Variants in LRRC37A2 observed in about 807,000 individuals in gnomAD.
LRRC37A2 encodes the protein leucine rich repeat containing 37 member A2, also known as leucine-rich repeat-containing protein 37A2.
In LRRC37A2, 9 loss-of-function variants were observed where a neutral mutation model predicts 68.8. That is an observed-to-expected ratio of 0.13 (90% CI 0.08 to 0.23). The LOEUF (loss-of-function observed/expected upper bound fraction) is 0.23. LRRC37A2 is among the 10% of genes least tolerant of loss of function. The probability of loss-of-function intolerance (pLI) is 1.00; values close to 1 mark genes in which losing one functional copy is unlikely to be tolerated. For missense variants in LRRC37A2, 168 were observed against 950.4 expected (o/e 0.18, Z 10.82); for synonymous variants, 63 against 367.6 (o/e 0.17, Z 9.48).
chr17:46,804,915 G>A, the LRRC37A2 span, among the ~76,000 whole-genome samples: 1 of 65,600 alleles, frequency 1.5e-5, no homozygotes, highest in Admixed American at 1.4e-4. Flanking sequence ...CTGCCTCCCC[G>A]CCCACCCCCC....
the LRRC37A2 span, chr17:46,773,726 G>A: frequency 6.2e-7 from 1 of 1,610,030 alleles, no homozygotes; most frequent in Non-Finnish European, 8.5e-7. Context: ...TGCAGTTCCA[G>A]CGGCGGCCCC....
At chr17:46,586,380 TCA>T in the LRRC37A2 span, among the ~76,000 whole-genome samples, 202 of 17,390 alleles carry the variant, frequency 0.012, 55 homozygotes, top group South Asian at 0.089. Flanking sequence ...TCTCTCTCTG[TCA>T]CACACACACA....
the LRRC37A2 span, among the ~76,000 whole-genome samples, chr17:47,044,530 C>T: frequency 6.6e-6 from 1 of 150,788 alleles, no homozygotes; most frequent in South Asian, 2.1e-4. Flanking sequence ...CTGCAACTGA[C>T]TCTCAAATGG....
chr17:46,752,660 T>C, the LRRC37A2 span, among the ~76,000 whole-genome samples: 2 of 152,218 alleles, frequency 1.3e-5, no homozygotes, highest in African/African-American at 4.8e-5. Context: ...TTCACTATGT[T>C]GCCCAGGCTG....
chr17:46,896,400 AAG>A, the LRRC37A2 span, among the ~76,000 whole-genome samples: 14 of 67,186 alleles, frequency 2.1e-4, no homozygotes, highest in South Asian at 5.6e-4. Flanking sequence ...AAGAGAAAGA[AAG>A]AAAGAAAGAA....
the LRRC37A2 span, among the ~76,000 whole-genome samples, chr17:46,605,475 A>G: frequency 6.6e-6 from 1 of 150,458 alleles, no homozygotes; most frequent in African/African-American, 2.4e-5. Flanking sequence ...CTGTCAGAGA[A>G]AAAAGATATT....
the LRRC37A2 span, among the ~76,000 whole-genome samples, chr17:46,907,166 C>T: frequency 1.5e-4 from 23 of 152,236 alleles, no homozygotes; most frequent in African/African-American, 4.1e-4. Context: ...AGTAGCCTGC[C>T]GAGGTCAACA....
At chr17:46,942,916 A>T in the LRRC37A2 span, among the ~76,000 whole-genome samples, 1 of 152,116 alleles carries the variant, frequency 6.6e-6, no homozygotes, top group Non-Finnish European at 1.5e-5. Flanking sequence ...AGCCTCTGTG[A>T]GCCATCCCTC....
At chr17:46,971,916 TAGAG>T in the LRRC37A2 span, among the ~76,000 whole-genome samples, 2 of 152,130 alleles carry the variant, frequency 1.3e-5, no homozygotes, top group African/African-American at 2.4e-5. Context: ...CTTTAGGAAG[TAGAG>T]AGAAAGGCAG....
At chr17:46,880,037 C>A in the LRRC37A2 span, among the ~76,000 whole-genome samples, 1 of 152,198 alleles carries the variant, frequency 6.6e-6, no homozygotes, top group Non-Finnish European at 1.5e-5. Flanking sequence ...AATTGTTTTC[C>A]ACTGGATTTC....
At chr17:46,971,198 A>T in the LRRC37A2 span, among the ~76,000 whole-genome samples, 69,803 of 151,814 alleles carry the variant, frequency 0.46, 16,242 homozygotes, top group Middle Eastern at 0.52. Context: ...TGAGCCAGGC[A>T]TGGTGGTGGG....
the LRRC37A2 span, among the ~76,000 whole-genome samples, chr17:46,770,511 CCT>C: frequency 3.9e-3 from 600 of 152,284 alleles, 5 homozygotes; most frequent in African/African-American, 0.014. Flanking sequence ...ACAGCCTAAA[CCT>C]GCCCAGGCCC....
chr17:46,929,416 C>T, the LRRC37A2 span: 5 of 741,456 alleles, frequency 6.7e-6, no homozygotes, highest in African/African-American at 3.4e-5. Flanking sequence ...GTGATGCTGT[C>T]GATTTAAATC....
the LRRC37A2 span, chr17:46,885,129 C>T: frequency 2.5e-6 from 1 of 401,100 alleles, no homozygotes; most frequent in Admixed American, 3.1e-5. Flanking sequence ...ACTGGGATTA[C>T]AGGCATGCAC....
chr17:46,870,777 A>T, the LRRC37A2 span, among the ~76,000 whole-genome samples: 1 of 152,174 alleles, frequency 6.6e-6, no homozygotes, highest in Non-Finnish European at 1.5e-5. Flanking sequence ...GCTCAGAGGA[A>T]CATGGGCTTC....
At chr17:46,870,157 C>T in the LRRC37A2 span, among the ~76,000 whole-genome samples, 4,535 of 152,266 alleles carry the variant, frequency 0.03, 291 homozygotes, top group East Asian at 0.25. Flanking sequence ...TGCTTGCTCT[C>T]CCCTCTGTCA....
chr17:46,792,555 C>A, the LRRC37A2 span, among the ~76,000 whole-genome samples: 2 of 152,130 alleles, frequency 1.3e-5, no homozygotes, highest in African/African-American at 4.8e-5. Flanking sequence ...TTTACTGCAA[C>A]CTCTGCCTCC....
chr17:46,947,154 G>A, the LRRC37A2 span, among the ~76,000 whole-genome samples: 7 of 152,162 alleles, frequency 4.6e-5, no homozygotes, highest in African/African-American at 1.7e-4. Flanking sequence ...TGTGGATGCA[G>A]GAACCCTCAG....
At chr17:46,963,062 T>G in the LRRC37A2 span, among the ~76,000 whole-genome samples, 6 of 152,348 alleles carry the variant, frequency 3.9e-5, no homozygotes, top group East Asian at 9.6e-4. Context: ...GAAGTCTTGA[T>G]AAGGGACTTC....
Sources: allele counts gnomAD v4.1 joint callset (sites outside exome capture counted in the v4.1 genomes callset), GRCh38; gene constraint gnomAD v4.1.1; transcripts MANE v1.5; gene names NCBI Gene and HGNC (gene_info 2026-07-23, HGNC 2026-07-21).